GEMIN8: variants seen among roughly 807,000 people sequenced by gnomAD.
GEMIN8 encodes gem-associated protein 8.
For synonymous variants in GEMIN8, 80 were observed against 78.5 expected, an observed-to-expected ratio of 1.02 and a Z score of -0.10; for missense variants, 185 against 205.9, an observed-to-expected ratio of 0.90 and a Z score of 0.62.
At chrX:14,021,103 CAAACTTT>C (rs1265878942) in intron 3 of GEMIN8, among the ~76,000 whole-genome samples, 1 of 109,697 alleles carries the variant, frequency 9.1e-6, no homozygotes, top group Non-Finnish European at 1.9e-5. Flanking sequence ...ATGAGAATAC[CAAACTTT>C]AAAGACTAAA....
intron 4 of GEMIN8, chrX:14,013,950 T>G (rs1569355907): frequency 2.8e-6 from 2 of 713,607 alleles, no homozygotes; most frequent in African/African-American, 4.8e-5. Flanking sequence ...GGATACATAA[T>G]CCTGGTATTT....
At position 14,006,730 on chromosome X, in the gene GEMIN8, C is replaced by A. The variant is rs941022061; in HGVS notation, c.*2183G>T. Among the ~76,000 whole-genome samples, 3 of 111,748 alleles carry A rather than the reference C, an allele frequency of 2.7e-5. No individual in the cohort carries two copies. Among genetic ancestry groups the A allele is most frequent in the Non-Finnish European group, 5.6e-5 (3 of 53,194 alleles). Reference sequence around the variant, plus strand: ...GTGATTTTTAAAGACAGGTAATAAACGTGTCAACATTTATTGAGTATTTAC... The same window carrying A: ...GTGATTTTTAAAGACAGGTAATAAAAGTGTCAACATTTATTGAGTATTTAC... On this transcript the variant is annotated 3_prime_UTR_variant, in exon 5 of 5. Coordinates refer to ENST00000680255, the MANE Select transcript of GEMIN8 (RefSeq NM_001042479.2).
At chrX:14,013,367 ATT>A (rs1923692196) in intron 4 of GEMIN8, among the ~76,000 whole-genome samples, 2 of 112,322 alleles carry the variant, frequency 1.8e-5, no homozygotes, top group Non-Finnish European at 3.8e-5. Flanking sequence ...TTTATAGGGT[ATT>A]TTGGCAAGAT....
At position 14,008,439 on chromosome X, in the gene GEMIN8, C is replaced by A. The variant is rs751399395; in HGVS notation, c.*474G>T. 14 of 119,508 alleles carry A rather than the reference C, an allele frequency of 1.2e-4. No homozygotes were observed. Among genetic ancestry groups the A allele is most frequent in the Non-Finnish European group, 2.4e-4 (14 of 58,680 alleles). The allele number at this position is 119,508 out of a possible 1,213,427, so 9.8% of individuals were successfully genotyped here. A position where few individuals can be genotyped will look rare whatever the true frequency, so the allele number is the denominator to read the frequency against. Reference sequence around the variant, plus strand: ...ATTCACTCTCTGGCCCTTTATAGAACATGCATCCCTCTCCACTACAGGTAG... The same window carrying A: ...ATTCACTCTCTGGCCCTTTATAGAAAATGCATCCCTCTCCACTACAGGTAG... On this transcript the variant is annotated 3_prime_UTR_variant, in exon 5 of 5. Transcript: ENST00000680255.
chrX:14,002,521 CTT>C (rs1395301789), downstream of GEMIN8, among the ~76,000 whole-genome samples: 3 of 110,979 alleles, frequency 2.7e-5, no homozygotes, highest in African/African-American at 9.8e-5. Context: ...GAGTTTCGCT[CTT>C]GTCGCCCAGG....
chrX:14,021,571 C>T, intron 2 of GEMIN8, 60 bp from the exon 3 acceptor site: 1 of 836,857 alleles, frequency 1.2e-6, no homozygotes, highest in Non-Finnish European at 1.8e-6. Context: ...ATATTTGTGG[C>T]TATTCTATGG....
chrX:13,992,289 G>T, the GEMIN8 span, among the ~76,000 whole-genome samples: 1 of 112,301 alleles, frequency 8.9e-6, no homozygotes, highest in African/African-American at 3.2e-5. Flanking sequence ...GACAAATGCT[G>T]TGGGAGAAAT....
the GEMIN8 span, among the ~76,000 whole-genome samples, chrX:13,997,626 G>A: frequency 3.6e-4 from 41 of 112,396 alleles, no homozygotes; most frequent in African/African-American, 9.4e-4. Context: ...CGGGTGCAGC[G>A]GCTCATGCCT....
Position 14,007,258 on chromosome X carries a change from TG to T in GEMIN8, c.*1654del, listed in dbSNP as rs1266506463. Among the ~76,000 whole-genome samples the T allele has an allele frequency of 8.9e-6, 1 of 111,814 alleles. No homozygotes were observed. The highest frequency in any genetic ancestry group is 1.9e-5 in the Non-Finnish European group (1 of 53,220). On this transcript the variant is annotated 3_prime_UTR_variant, in exon 5 of 5. Transcript: ENST00000680255. ...GGCAGGGGCTGAATGTGAAGCCAACTGTTCTTAGAGAGAAACATGTCAATAC... is the reference window on the plus strand; with the variant it reads ...GGCAGGGGCTGAATGTGAAGCCAACTTTCTTAGAGAGAAACATGTCAATAC...
At chrX:13,989,348 C>T in the GEMIN8 span, among the ~76,000 whole-genome samples, 1 of 111,496 alleles carries the variant, frequency 9.0e-6, no homozygotes, top group Non-Finnish European at 1.9e-5. Context: ...AGCTATCCTC[C>T]TGCCTCAGTC....
intron 2 of GEMIN8, among the ~76,000 whole-genome samples, chrX:14,023,382 CT>C (rs753935449): frequency 3.5e-3 from 351 of 100,096 alleles, no homozygotes; most frequent in Middle Eastern, 0.016. Flanking sequence ...TTTTATATTC[CT>C]TTTTTTTTTT....
chrX:13,999,848 T>C, the GEMIN8 span, among the ~76,000 whole-genome samples: 1 of 111,944 alleles, frequency 8.9e-6, no homozygotes, highest in Non-Finnish European at 1.9e-5. Context: ...TCTCATCATA[T>C]CATATCAGGT....
chrX:14,021,814 G>GTATATATATATATATATATATATA (rs147147045), intron 2 of GEMIN8, among the ~76,000 whole-genome samples: 1 of 78,276 alleles, frequency 1.3e-5, no homozygotes, highest in Admixed American at 1.5e-4. Context: ...TAATGTGTGT[G>GTATATATATATATATATATATATA]TATATATATA....
chrX:14,016,866 A>AAAATAT (rs1555947311), intron 4 of GEMIN8, among the ~76,000 whole-genome samples: 34 of 57,162 alleles, frequency 5.9e-4, no homozygotes, highest in Non-Finnish European at 8.1e-4. Flanking sequence ...AAAAAAAAAA[A>AAAATAT]ATATATATAT....
chrX:14,000,349 C>A, the GEMIN8 span, among the ~76,000 whole-genome samples: 1 of 110,779 alleles, frequency 9.0e-6, no homozygotes, highest in African/African-American at 3.3e-5. Context: ...GTAATCCCAG[C>A]ACTTTGGGAG....
intron 4 of GEMIN8, among the ~76,000 whole-genome samples, chrX:14,015,896 C>A (rs1329479398): frequency 1.8e-5 from 2 of 111,984 alleles, no homozygotes; most frequent in Admixed American, 9.5e-5. Flanking sequence ...ATGTAACTAA[C>A]CCTCCATGAA....
Position 14,028,783 on chromosome X carries a change from T to C in GEMIN8, c.-116+994A>G, listed in dbSNP as rs12007310. Reference sequence around the variant, plus strand: ...TTCAGTTATGCTTATTCCAAGTTACTAACCAGCAGTCTTTAAAAATATATG... The same window carrying C: ...TTCAGTTATGCTTATTCCAAGTTACCAACCAGCAGTCTTTAAAAATATATG... On this transcript the variant is annotated intron_variant, in intron 1 of 4. Transcript: ENST00000680255. Among the ~76,000 whole-genome samples the C allele has an allele frequency of 5.8e-3, 650 of 112,495 alleles. 4 individuals are homozygous for C. Among genetic ancestry groups the C allele is most frequent in the African/African-American group, 0.02 (606 of 30,970 alleles).
At chrX:14,020,986 TA>T (rs1489727982) in intron 3 of GEMIN8, among the ~76,000 whole-genome samples, 2 of 110,859 alleles carry the variant, frequency 1.8e-5, no homozygotes, top group Non-Finnish European at 3.8e-5. Flanking sequence ...CCCCCTAAAC[TA>T]ACTTGCTGGC....
intron 4 of GEMIN8, among the ~76,000 whole-genome samples, chrX:14,017,163 T>C (rs910942787): frequency 9.1e-5 from 10 of 110,261 alleles, no homozygotes; most frequent in African/African-American, 3.3e-4. Context: ...AGGCAAAGAA[T>C]GGTGAAGGCA....
Sources: allele counts gnomAD v4.1 joint callset (sites outside exome capture counted in the v4.1 genomes callset), GRCh38; gene constraint gnomAD v4.1.1; transcripts MANE v1.5; gene names NCBI Gene and HGNC (gene_info 2026-07-23, HGNC 2026-07-21).